The following PTPRD variants were observed in gnomAD, a reference collection of about 807,000 sequenced individuals.
PTPRD encodes receptor-type tyrosine-protein phosphatase delta.
In PTPRD, 34 loss-of-function variants were observed where a neutral mutation model predicts 214.5. The observed-to-expected ratio is 0.16, with a 90% CI of 0.12 to 0.21. The LOEUF is 0.21. Ranked by LOEUF, PTPRD falls within the 10% of genes least tolerant of loss-of-function variation. The pLI is 1.00. For missense variants in PTPRD, 2,545 were observed against 2,398.7 expected (o/e 1.06, Z -1.27); for synonymous variants, 1,128 against 845.7 (o/e 1.33, Z -5.79).
At chr9:9,565,967 G>T (rs981265066) in intron 8 of PTPRD, among the ~76,000 whole-genome samples, 3 of 151,928 alleles carry the variant, frequency 2.0e-5, no homozygotes, top group Admixed American at 2.0e-4. Flanking sequence ...CAGGCCAGAA[G>T]TGTCAGATGG....
chr9:10,190,524 C>A (rs958242543), intron 3 of PTPRD, among the ~76,000 whole-genome samples: 6 of 150,272 alleles, frequency 4.0e-5, no homozygotes, highest in African/African-American at 1.2e-4. Flanking sequence ...TCAAGACTAG[C>A]CTGGCCAACA....
At chr9:10,376,567 G>T (rs1366822537) in intron 2 of PTPRD, among the ~76,000 whole-genome samples, 1 of 151,510 alleles carries the variant, frequency 6.6e-6, no homozygotes, top group Non-Finnish European at 1.5e-5. Context: ...ATTATTACTG[G>T]AATTAAGACA....
intron 11 of PTPRD, among the ~76,000 whole-genome samples, chr9:8,934,572 G>T (rs1438164979): frequency 3.7e-5 from 5 of 133,858 alleles, no homozygotes; most frequent in African/African-American, 1.4e-4. Flanking sequence ...ATTGTGAAAT[G>T]ATTACCAGCA....
At chr9:10,270,456 C>T (rs898947688) in intron 3 of PTPRD, among the ~76,000 whole-genome samples, 8 of 152,066 alleles carry the variant, frequency 5.3e-5, no homozygotes, top group African/African-American at 1.9e-4. Flanking sequence ...TATATTTTTG[C>T]TTCCTATAAT....
At chr9:8,792,531 G>T (rs2096270293) in intron 11 of PTPRD, among the ~76,000 whole-genome samples, 1 of 152,152 alleles carries the variant, frequency 6.6e-6, no homozygotes, top group African/African-American at 2.4e-5. Context: ...TATTGGTGCT[G>T]ATGACTGAAA....
chr9:9,796,138 T>C (rs2099001040), intron 5 of PTPRD, among the ~76,000 whole-genome samples: 2 of 152,166 alleles, frequency 1.3e-5, no homozygotes, highest in Admixed American at 6.5e-5. Flanking sequence ...GCTGTATTTT[T>C]AAAGAGGATC....
intron 5 of PTPRD, among the ~76,000 whole-genome samples, chr9:9,881,203 T>C (rs926903495): frequency 6.6e-6 from 1 of 152,164 alleles, no homozygotes; most frequent in African/African-American, 2.4e-5. Context: ...CTGCAGAATT[T>C]GGACATTCAA....
At chr9:9,411,084 T>A (rs540992347) in intron 8 of PTPRD, among the ~76,000 whole-genome samples, 19 of 152,190 alleles carry the variant, frequency 1.2e-4, no homozygotes, top group South Asian at 6.2e-4. Flanking sequence ...GAAAAATAAA[T>A]ATGCCATTAA....
At chr9:8,636,969 C>T (rs767250966) in intron 12 of PTPRD, 125 bp from the exon 13 acceptor site, 33 of 894,604 alleles carry the variant, frequency 3.7e-5, no homozygotes, top group Non-Finnish European at 5.2e-5. Context: ...TTACAATGCA[C>T]TATGGGATTA....
At chr9:10,285,813 G>A (rs2095331085) in intron 3 of PTPRD, among the ~76,000 whole-genome samples, 2 of 151,916 alleles carry the variant, frequency 1.3e-5, no homozygotes, top group East Asian at 2.0e-4. Context: ...GTTTCACCGT[G>A]TTAGCCAGGA....
chr9:10,088,170 T>C (rs986606280), intron 3 of PTPRD, among the ~76,000 whole-genome samples: 4 of 151,806 alleles, frequency 2.6e-5, no homozygotes, highest in African/African-American at 9.7e-5. Context: ...CATCTTTTTC[T>C]ATTGCAATAG....
intron 9 of PTPRD, among the ~76,000 whole-genome samples, chr9:9,264,053 T>A (rs2132307594): frequency 6.6e-6 from 1 of 151,742 alleles, no homozygotes; most frequent in South Asian, 2.1e-4. Flanking sequence ...CTGAAGCCAG[T>A]CAGTAATGAT....
intron 2 of PTPRD, among the ~76,000 whole-genome samples, chr9:10,534,841 A>C (rs1435954572): frequency 2.0e-5 from 3 of 152,210 alleles, no homozygotes; most frequent in African/African-American, 4.8e-5. Context: ...TTCAGTTGAC[A>C]CAAGTTTTCT....
chr9:8,378,398 T>G (rs2083900672), intron 37 of PTPRD, among the ~76,000 whole-genome samples: 1 of 151,780 alleles, frequency 6.6e-6, no homozygotes, highest in African/African-American at 2.4e-5. Context: ...GAACCAACAC[T>G]ACTTCAGCAG....
intron 5 of PTPRD, among the ~76,000 whole-genome samples, chr9:9,815,376 A>T (rs1217421480): frequency 6.6e-6 from 1 of 152,208 alleles, no homozygotes; most frequent in Non-Finnish European, 1.5e-5. Context: ...ATCAAAATAG[A>T]TTAAATACTT....
chr9:8,877,176 C>T (rs2098401230), intron 11 of PTPRD, among the ~76,000 whole-genome samples: 1 of 152,262 alleles, frequency 6.6e-6, no homozygotes, highest in South Asian at 2.1e-4. Flanking sequence ...CCACCAGTCT[C>T]AGCCTCCCAA....
intron 12 of PTPRD, among the ~76,000 whole-genome samples, chr9:8,705,804 ATATAG>A (rs1285521985): frequency 6.6e-6 from 1 of 152,180 alleles, no homozygotes; most frequent in Non-Finnish European, 1.5e-5. Context: ...TCTACTGCTG[ATATAG>A]TAAAGGCAAT....
chr9:8,588,743 A>G (rs559251199), intron 14 of PTPRD, among the ~76,000 whole-genome samples: 40 of 152,320 alleles, frequency 2.6e-4, no homozygotes, highest in Non-Finnish European at 8.8e-5. Flanking sequence ...ACACTACTTG[A>G]CCTGCAATCT....
chr9:8,610,756 T>G (rs962628313), intron 14 of PTPRD, among the ~76,000 whole-genome samples: 3 of 152,222 alleles, frequency 2.0e-5, no homozygotes, highest in African/African-American at 7.2e-5. Context: ...TTCTGCTGTG[T>G]TATTCTACTT....
Sources: gnomAD v4.1 joint callset for allele counts (sites outside exome capture counted in the v4.1 genomes callset) on GRCh38, gnomAD v4.1.1 for gene constraint, MANE v1.5 for transcripts, NCBI Gene and HGNC (gene_info 2026-07-23, HGNC 2026-07-21) for gene names.